The following CCDC158 variants were observed in gnomAD, a reference collection of about 807,000 sequenced individuals.
CCDC158 encodes the protein coiled-coil domain containing 158.
In CCDC158, 116 loss-of-function variants were observed where a neutral mutation model predicts 138.6. The observed-to-expected ratio is 0.84, with a 90% CI of 0.72 to 0.98. The LOEUF (loss-of-function observed/expected upper bound fraction) is 0.98, where lower values mean the gene tolerates loss of function less well. CCDC158 is among the 50% of genes least tolerant of loss of function. The pLI, the probability that CCDC158 is intolerant of heterozygous loss-of-function variation, is 0.00. For synonymous variants in CCDC158, 436 were observed against 442.4 expected, an observed-to-expected ratio of 0.99 and a Z score of 0.18; for missense variants, 1,265 against 1,306.1, an observed-to-expected ratio of 0.97 and a Z score of 0.48.
intron 2 of CCDC158, 27 bp downstream of exon 2, chr4:76,412,063 T>C (rs1729338428): frequency 6.6e-6 from 1 of 152,234 alleles, no homozygotes. Flanking sequence ...AATTCTTAAA[T>C]ATAACTACAA....
intron 18 of CCDC158, among the ~76,000 whole-genome samples, chr4:76,346,725 C>T (rs1442756499): frequency 1.3e-5 from 2 of 152,012 alleles, no homozygotes; most frequent in African/African-American, 4.8e-5. Flanking sequence ...AAGAAACTAT[C>T]ATCAGAGTGA....
chr4:76,401,436 C>T (rs886823155), intron 3 of CCDC158: 10 of 448,518 alleles, frequency 2.2e-5, no homozygotes, highest in South Asian at 7.1e-5. Context: ...AAGACTAAAA[C>T]GATCAAGATT....
At chr4:76,384,859 A>G (rs191978764) in intron 4 of CCDC158, among the ~76,000 whole-genome samples, 194 bp from the exon 5 acceptor site, 251 of 152,338 alleles carry the variant, frequency 1.6e-3, no homozygotes, top group Non-Finnish European at 3.1e-3. Context: ...TCCCTGTATC[A>G]AGCTTGACCC....
chr4:76,320,132 T>C (rs1246604964), intron 24 of CCDC158, among the ~76,000 whole-genome samples: 1 of 152,196 alleles, frequency 6.6e-6, no homozygotes, highest in African/African-American at 2.4e-5. Flanking sequence ...ATCAGTACCA[T>C]TGCTACACAC....
At chr4:76,418,328 C>G (rs1372794172) in intron 1 of CCDC158, among the ~76,000 whole-genome samples, 1 of 152,114 alleles carries the variant, frequency 6.6e-6, no homozygotes, top group Non-Finnish European at 1.5e-5. Flanking sequence ...TGAAAATGTT[C>G]TAAAACTGAA....
intron 2 of CCDC158, among the ~76,000 whole-genome samples, chr4:76,406,196 T>C (rs1043080353): frequency 2.0e-5 from 3 of 152,094 alleles, no homozygotes; most frequent in African/African-American, 7.2e-5. Context: ...CGGGTTAAAA[T>C]CCTAATACCA....
At chr4:76,369,263 T>A (rs28569367) in intron 11 of CCDC158, among the ~76,000 whole-genome samples, 163 bp downstream of exon 11, 4,453 of 151,856 alleles carry the variant, frequency 0.029, 217 homozygotes, top group African/African-American at 0.1. Flanking sequence ...AAATGAAAAA[T>A]AAGTATCAGG....
chr4:76,315,318 T>C (rs1719277294), intron 24 of CCDC158, among the ~76,000 whole-genome samples: 1 of 152,136 alleles, frequency 6.6e-6, no homozygotes, highest in Non-Finnish European at 1.5e-5. Context: ...CCTGATGGTA[T>C]TTTTTTCCCT....
chr4:76,390,742 T>C (rs931628358), intron 4 of CCDC158, among the ~76,000 whole-genome samples: 5 of 151,806 alleles, frequency 3.3e-5, no homozygotes, highest in African/African-American at 1.2e-4. Flanking sequence ...AGAAACACAC[T>C]ACACCTACAA....
At chr4:76,348,628 T>C (rs563735951) in intron 18 of CCDC158, among the ~76,000 whole-genome samples, 33 of 152,238 alleles carry the variant, frequency 2.2e-4, no homozygotes, top group African/African-American at 7.5e-4. Flanking sequence ...TGAGAATTTC[T>C]GTAAAGAACT....
At chr4:76,339,212 C>G (rs535280938) in intron 18 of CCDC158, among the ~76,000 whole-genome samples, 1 of 151,834 alleles carries the variant, frequency 6.6e-6, no homozygotes, top group African/African-American at 2.4e-5. Flanking sequence ...TGAATGCCAC[C>G]ACTTCGTCAA....
intron 1 of CCDC158, among the ~76,000 whole-genome samples, chr4:76,414,560 C>T (rs1014480526): frequency 2.0e-5 from 3 of 152,134 alleles, no homozygotes; most frequent in African/African-American, 7.2e-5. Context: ...TTGGCTGTGT[C>T]CCCACCCAAA....
chr4:76,399,356 C>A, intron 3 of CCDC158, among the ~76,000 whole-genome samples: 1 of 152,208 alleles, frequency 6.6e-6, no homozygotes, highest in East Asian at 1.9e-4. Flanking sequence ...CTAATGCATA[C>A]GGGCTTAATA....
At chr4:76,417,531 A>G (rs1729791793) in intron 1 of CCDC158, among the ~76,000 whole-genome samples, 1 of 152,134 alleles carries the variant, frequency 6.6e-6, no homozygotes. Flanking sequence ...TATATCCCAG[A>G]ATTCCCATGT....
rs1726550644 is a variant in CCDC158, at chr4:76,384,165, T to C, written c.649A>G (p.Ser217Gly). 6.2e-7 allele frequency: 1 copy of C among 1,614,032 alleles called. No homozygotes were observed. The highest frequency in any genetic ancestry group is 8.5e-7 in the Non-Finnish European group (1 of 1,180,002). ...ATTTTACTAATAGCTGAGCCCAAGCTGCGGAAGTGCAGAGTAGACATGCTG... is the reference window on the plus strand; with the variant it reads ...ATTTTACTAATAGCTGAGCCCAAGCCGCGGAAGTGCAGAGTAGACATGCTG... ...HDSMSTLHFRSLGSAISKILR... is the reference protein window; with the variant it reads ...HDSMSTLHFRGLGSAISKILR... The change falls in exon 6 of 25, where the codon AGC becomes GGC. Residue 217 changes from serine (S) to glycine (G), a missense_variant. Ser to Gly is a moderately conservative substitution (Grantham distance 56). Coordinates refer to ENST00000682701, the MANE Select transcript of CCDC158 (RefSeq NM_001394954.1).
chr4:76,414,720 C>T (rs557833416), intron 1 of CCDC158, among the ~76,000 whole-genome samples: 7 of 152,250 alleles, frequency 4.6e-5, no homozygotes, highest in South Asian at 2.1e-4. Flanking sequence ...AAGGGTTTTC[C>T]GCTTTTGCTT....
chr4:76,373,246 T>A (rs1209226828), intron 9 of CCDC158, among the ~76,000 whole-genome samples: 1 of 152,246 alleles, frequency 6.6e-6, no homozygotes, highest in Non-Finnish European at 1.5e-5. Context: ...CCACACAATA[T>A]CATAACTTAA....
chr4:76,324,482 C>A lies in CCDC158; in HGVS notation c.3170-1073G>T, dbSNP rs533984145. On this transcript the variant is annotated intron_variant, in intron 23 of 24. Coordinates refer to ENST00000682701, the MANE Select transcript of CCDC158 (RefSeq NM_001394954.1). ...GATTACAGACATGAGCCACAGCGCC[C>A]AGCCAGAAGTTTTTAACATAAATAA... Among the ~76,000 whole-genome samples the A allele has an allele frequency of 2.0e-5, 3 of 152,200 alleles. No homozygotes were observed. The East Asian group carries it at 5.8e-4, about 29-fold the overall frequency.
At chr4:76,320,661 G>C (rs555082344) in intron 24 of CCDC158, among the ~76,000 whole-genome samples, 1 of 152,070 alleles carries the variant, frequency 6.6e-6, no homozygotes, top group Non-Finnish European at 1.5e-5. Context: ...ACTGATCTTC[G>C]ACAATGCAAA....
Sources: allele counts gnomAD v4.1 joint callset (sites outside exome capture counted in the v4.1 genomes callset), GRCh38; gene constraint gnomAD v4.1.1; transcripts MANE v1.5; gene names NCBI Gene and HGNC (gene_info 2026-07-23, HGNC 2026-07-21).